Variants in LRIG1 observed in about 807,000 individuals in gnomAD.
LRIG1 encodes the protein leucine-rich repeats and immunoglobulin-like domains protein 1.
LRIG1 carries 48 observed loss-of-function variants against 99.2 expected under a neutral mutation model. That is an observed-to-expected ratio of 0.48 (90% CI 0.38 to 0.62). The LOEUF (loss-of-function observed/expected upper bound fraction) is 0.62, where lower values mean the gene tolerates loss of function less well. Among genes scored for constraint, LRIG1 ranks in the 20% least tolerant of loss-of-function variants. The pLI is 0.00. For missense variants in LRIG1, 1,646 were observed against 1,434.4 expected (o/e 1.15, Z -2.38); for synonymous variants, 772 against 596.1 (o/e 1.29, Z -4.30).
At chr3:66,410,746 A>G (rs1185733214) in intron 6 of LRIG1, among the ~76,000 whole-genome samples, 1 of 152,234 alleles carries the variant, frequency 6.6e-6, no homozygotes, top group Non-Finnish European at 1.5e-5. Context: ...AAAGCCCATT[A>G]AAGGAATAGA....
At chr3:66,391,816 AC>A (rs1701631066) in intron 12 of LRIG1, among the ~76,000 whole-genome samples, 1 of 152,234 alleles carries the variant, frequency 6.6e-6, no homozygotes, top group Non-Finnish European at 1.5e-5. Flanking sequence ...TACTTCATCT[AC>A]ACTACAACTC....
At chr3:66,393,827 T>C (rs1238368780) in intron 12 of LRIG1, among the ~76,000 whole-genome samples, 1 of 152,196 alleles carries the variant, frequency 6.6e-6, no homozygotes, top group African/African-American at 2.4e-5. Context: ...TCCCTTCTGA[T>C]TAAATGCATG....
intron 4 of LRIG1, 92 bp downstream of exon 4, chr3:66,417,037 A>G: frequency 1.3e-6 from 2 of 1,494,248 alleles, no homozygotes; most frequent in Non-Finnish European, 1.8e-6. Context: ...GGAAGGAAGC[A>G]TCCCTCCTGC....
At chr3:66,393,202 G>A (rs1701692268) in intron 12 of LRIG1, among the ~76,000 whole-genome samples, 1 of 152,318 alleles carries the variant, frequency 6.6e-6, no homozygotes, top group South Asian at 2.1e-4. Flanking sequence ...TGAGTTCCTG[G>A]TTAGGATCCT....
Position 66,474,639 on chromosome 3 carries a change from C to A in LRIG1, c.219-12130G>T, listed in dbSNP as rs961074084. ...GGGATTACAGGTGTCAGCCACAGCA[C>A]CCGGCCCCATCTACATTCAATGTGG... On this transcript the variant is annotated intron_variant, in intron 1 of 18. Coordinates refer to ENST00000273261, the MANE Select transcript of LRIG1 (RefSeq NM_015541.3). Among the ~76,000 whole-genome samples the A allele has an allele frequency of 3.9e-5, 6 of 152,212 alleles. No homozygotes were observed. In the South Asian group the frequency reaches 8.3e-4, roughly 21 times the overall value.
At chr3:66,468,954 G>T (rs796576600) in intron 1 of LRIG1, 1 of 152,114 alleles carries the variant, frequency 6.6e-6, no homozygotes, top group Non-Finnish European at 1.5e-5. Context: ...ATAAGACTTC[G>T]TTCAAATCCC....
intron 12 of LRIG1, among the ~76,000 whole-genome samples, chr3:66,392,862 C>G (rs963501643): frequency 2.6e-5 from 4 of 152,214 alleles, no homozygotes; most frequent in Non-Finnish European, 4.4e-5. Flanking sequence ...ATGGATTATA[C>G]AGCCATTTTG....
At chr3:66,458,786 G>A (rs933814854) in intron 2 of LRIG1, among the ~76,000 whole-genome samples, 2 of 152,090 alleles carry the variant, frequency 1.3e-5, no homozygotes, top group African/African-American at 4.8e-5. Context: ...GGAGGCCAAG[G>A]CGGGTGGATC....
chr3:66,427,563 C>T (rs531606862), intron 3 of LRIG1, among the ~76,000 whole-genome samples: 2 of 152,170 alleles, frequency 1.3e-5, no homozygotes, highest in Admixed American at 1.3e-4. Context: ...ACTTTGGGAG[C>T]CAACAGTAGA....
chr3:66,405,986 C>G (rs1468594841), intron 8 of LRIG1: 5 of 992,392 alleles, frequency 5.0e-6, no homozygotes, highest in Non-Finnish European at 6.0e-6. Flanking sequence ...AGACATCACA[C>G]CTGGAGACCA....
At position 66,382,296 on chromosome 3, in the gene LRIG1, GC is replaced by G. The variant is rs1457925240; in HGVS notation, c.2593del (p.Ala865ProfsTer140). The G allele has an allele frequency of 1.2e-6, 2 of 1,614,014 alleles. No homozygotes were observed. The highest frequency in any genetic ancestry group is 1.3e-5 in the African/African-American group (1 of 74,892). On this transcript the variant is annotated frameshift_variant, in exon 16 of 19. Transcript: ENST00000273261. LOFTEE classifies it high-confidence loss of function. ...ACCATTGCTCTCAATGTGCCCATTG[GC>G]CTGAGGGCCACCCTCGGTCCTGACC... is the stretch of plus-strand genomic sequence containing the variant. ...TVVRTEGGPQ[A>X]NGHIESNGVC...
intron 1 of LRIG1, among the ~76,000 whole-genome samples, chr3:66,474,276 C>CT (rs929322429): frequency 8.6e-5 from 13 of 151,746 alleles, no homozygotes; most frequent in Non-Finnish European, 1.5e-4. Context: ...ACTTTTATTT[C>CT]TTTTTTTTAA....
chr3:66,379,941 C>T lies in LRIG1; in HGVS notation c.*322G>A, dbSNP rs147601936. 57 of 177,286 alleles carry T rather than the reference C, an allele frequency of 3.2e-4. No homozygotes were observed. The highest frequency in any genetic ancestry group is 1.2e-3 in the African/African-American group (50 of 41,404). The allele number at this position is 177,286 out of a possible 1,614,324, so 11.0% of individuals were successfully genotyped here. On this transcript the variant is annotated 3_prime_UTR_variant, in exon 19 of 19. Transcript: ENST00000273261. ...TCCAAAATTAAACAGCAACCTGATA[C>T]GAAAAATAATATTGTCAAAATTGTA... is the stretch of plus-strand genomic sequence containing the variant.
chr3:66,381,386 C>T (rs931155980), intron 17 of LRIG1, 93 bp downstream of exon 17: 1 of 1,296,210 alleles, frequency 7.7e-7, no homozygotes, highest in Non-Finnish European at 1.1e-6. Context: ...CAGCTGTGGA[C>T]TAGGAATGTG....
chr3:66,398,017 A>C (rs1701920868), intron 11 of LRIG1, 95 bp downstream of exon 11: 1 of 1,007,212 alleles, frequency 9.9e-7, no homozygotes, highest in Non-Finnish European at 1.5e-6. Context: ...GTACCATGTG[A>C]ACTTTTAACA....
chr3:66,431,257 A>G (rs1228824707), intron 3 of LRIG1, among the ~76,000 whole-genome samples: 3 of 152,144 alleles, frequency 2.0e-5, no homozygotes, highest in Non-Finnish European at 4.4e-5. Flanking sequence ...AGGTAAGAAA[A>G]CCAGGACACA....
intron 8 of LRIG1, chr3:66,406,001 C>A: frequency 1.0e-6 from 1 of 989,734 alleles, no homozygotes. Flanking sequence ...AGACCAGGCC[C>A]CCATCCTGCC....
In LRIG1 at chr3:66,417,250, G is replaced by A. The variant is rs1280856739; in HGVS notation, c.382C>T (p.Arg128Cys). The A allele has an allele frequency of 7.4e-6, 12 of 1,613,814 alleles. No individual in the cohort carries two copies. Among genetic ancestry groups the A allele is most frequent in the South Asian group, 1.1e-5 (1 of 91,070 alleles). The change falls in exon 4 of 19, where the codon CGC becomes TGC. Residue 128 changes from arginine to cysteine, a missense_variant. By Grantham distance (180) the Arg-to-Cys change is radical. Coordinates refer to ENST00000273261, the MANE Select transcript of LRIG1 (RefSeq NM_015541.3). ...VSLFLQHNKI[R>C]SVEGSQLKAY... ...TTCAGCTGGCTCCCCTCCACGCTGCGAATCTTGTTGTGCTGCCTGAAACAC... is the reference window on the plus strand; with the variant it reads ...TTCAGCTGGCTCCCCTCCACGCTGCAAATCTTGTTGTGCTGCCTGAAACAC...
chr3:66,457,582 G>A (rs550054990), intron 2 of LRIG1, among the ~76,000 whole-genome samples: 21 of 152,304 alleles, frequency 1.4e-4, no homozygotes, highest in African/African-American at 4.6e-4. Context: ...TCTCGCATGT[G>A]CAAGGCCCTG....
Sources: allele counts gnomAD v4.1 joint callset (sites outside exome capture counted in the v4.1 genomes callset), GRCh38; gene constraint gnomAD v4.1.1; transcripts MANE v1.5; gene names NCBI Gene and HGNC (gene_info 2026-07-23, HGNC 2026-07-21).